KHDRBS2: variants seen among roughly 807,000 people sequenced by gnomAD.
KHDRBS2 encodes KH domain-containing, RNA-binding, signal transduction-associated protein 2.
Under a neutral mutation model 44.3 loss-of-function variants are expected in KHDRBS2, and 26 were observed. The observed-to-expected ratio is 0.59, with a 90% CI of 0.43 to 0.81. KHDRBS2 has a LOEUF of 0.81. Among genes scored for constraint, KHDRBS2 ranks in the 40% least tolerant of loss-of-function variants. The pLI is 0.00. For missense variants in KHDRBS2, 476 were observed against 433.1 expected, an observed-to-expected ratio of 1.10 and a Z score of -0.88; for synonymous variants, 194 against 151.1, an observed-to-expected ratio of 1.28 and a Z score of -2.08.
the KHDRBS2 span, among the ~76,000 whole-genome samples, chr6:61,568,892 T>C: frequency 6.6e-6 from 1 of 152,186 alleles, no homozygotes; most frequent in African/African-American, 2.4e-5. Context: ...GTAACAATTT[T>C]GACTGAGCAT....
intron 2 of KHDRBS2, among the ~76,000 whole-genome samples, chr6:62,111,136 G>T (rs1204544): frequency 0.17 from 26,390 of 152,002 alleles, 2,658 homozygotes; most frequent in African/African-American, 0.28. Flanking sequence ...TATATGCTTT[G>T]TAGATATTTT....
In KHDRBS2 at chr6:62,117,764, A is replaced by AT. The variant is rs551863148; in HGVS notation, c.219+59420dup. Among the ~76,000 whole-genome samples, 162 of 152,062 alleles carry AT rather than the reference A, an allele frequency of 1.1e-3. 1 individual carries two copies. The highest frequency in any genetic ancestry group is 3.7e-3 in the African/African-American group (152 of 41,448). On this transcript the variant is annotated intron_variant, in intron 2 of 8. Coordinates refer to ENST00000281156, the MANE Select transcript of KHDRBS2 (RefSeq NM_152688.4). ...GGTCTTAGATTTAAATATTTAAGCC[A>AT]TTTTGACTCAAATATTTTATTTTTT...
intron 2 of KHDRBS2, among the ~76,000 whole-genome samples, chr6:62,069,908 C>G (rs567911914): frequency 7.2e-5 from 11 of 151,824 alleles, no homozygotes; most frequent in Admixed American, 6.6e-4. Flanking sequence ...ATAAAGTACA[C>G]TAGTATCTAC....
chr6:61,554,894 G>A, the KHDRBS2 span, among the ~76,000 whole-genome samples: 1 of 152,088 alleles, frequency 6.6e-6, no homozygotes, highest in Non-Finnish European at 1.5e-5. Context: ...GCCTGATGGG[G>A]TTCCCTTTGT....
At chr6:62,124,035 G>A (rs1156245039) in intron 2 of KHDRBS2, among the ~76,000 whole-genome samples, 5 of 152,038 alleles carry the variant, frequency 3.3e-5, no homozygotes, top group Non-Finnish European at 7.4e-5. Flanking sequence ...AACTGCTTTG[G>A]CAAAGGTTAC....
At chr6:62,201,247 T>C (rs1826929201) in intron 1 of KHDRBS2, among the ~76,000 whole-genome samples, 1 of 151,742 alleles carries the variant, frequency 6.6e-6, no homozygotes, top group Non-Finnish European at 1.5e-5. Flanking sequence ...AAAAAAATTT[T>C]AGAGTAGGGA....
the KHDRBS2 span, among the ~76,000 whole-genome samples, chr6:61,605,584 C>T: frequency 3.3e-5 from 5 of 152,104 alleles, no homozygotes; most frequent in South Asian, 2.1e-4. Flanking sequence ...CAGGCCATCA[C>T]CAATAATTCT....
chr6:62,105,059 AAAAC>A (rs1802842413), intron 2 of KHDRBS2, among the ~76,000 whole-genome samples: 1 of 152,174 alleles, frequency 6.6e-6, no homozygotes, highest in South Asian at 2.1e-4. Flanking sequence ...AATTCATTGA[AAAAC>A]AAACAACCAT....
chr6:61,587,361 T>TAATC, the KHDRBS2 span, among the ~76,000 whole-genome samples: 4 of 96,118 alleles, frequency 4.2e-5, no homozygotes, highest in East Asian at 2.9e-4. Flanking sequence ...CAGCTTTTTT[T>TAATC]TATCTCTCTC....
At chr6:61,750,903 T>G (rs558123911) in intron 6 of KHDRBS2, among the ~76,000 whole-genome samples, 3 of 152,072 alleles carry the variant, frequency 2.0e-5, no homozygotes, top group Non-Finnish European at 4.4e-5. Flanking sequence ...TGTTAATATA[T>G]CTCTATTAAG....
the KHDRBS2 span, among the ~76,000 whole-genome samples, chr6:61,655,225 T>TACACACACACAC: frequency 9.6e-5 from 14 of 145,300 alleles, no homozygotes; most frequent in African/African-American, 3.3e-4. Flanking sequence ...CATACATACA[T>TACACACACACAC]ACACACACAC....
the KHDRBS2 span, among the ~76,000 whole-genome samples, chr6:61,545,288 T>TA: frequency 6.6e-6 from 1 of 151,796 alleles, no homozygotes; most frequent in Non-Finnish European, 1.5e-5. Flanking sequence ...TTTATAAAAA[T>TA]AAAAATACAA....
At chr6:62,026,626 A>T (rs1276635404) in intron 3 of KHDRBS2, among the ~76,000 whole-genome samples, 1 of 151,340 alleles carries the variant, frequency 6.6e-6, no homozygotes, top group Admixed American at 6.6e-5. Flanking sequence ...CTCAGATCTC[A>T]TTATGATTAT....
intron 6 of KHDRBS2, among the ~76,000 whole-genome samples, chr6:61,747,116 A>C (rs914243157): frequency 8.5e-5 from 13 of 152,236 alleles, no homozygotes; most frequent in Non-Finnish European, 1.5e-4. Flanking sequence ...TATGTGGCCA[A>C]CAAACATATG....
intron 2 of KHDRBS2, among the ~76,000 whole-genome samples, chr6:62,153,301 T>C (rs1018633566): frequency 2.6e-5 from 4 of 152,162 alleles, no homozygotes. Flanking sequence ...TGAAATTCCT[T>C]AATGTCTGTT....
At chr6:61,558,519 A>G in the KHDRBS2 span, among the ~76,000 whole-genome samples, 564 of 152,284 alleles carry the variant, frequency 3.7e-3, 4 homozygotes, top group Middle Eastern at 0.014. Context: ...CCACGATTAT[A>G]CCATTGCAGT....
intron 4 of KHDRBS2, among the ~76,000 whole-genome samples, chr6:61,935,591 C>T (rs967662079): frequency 2.0e-5 from 3 of 152,102 alleles, no homozygotes; most frequent in African/African-American, 7.2e-5. Context: ...AGAAATTATG[C>T]ACATTACTCT....
intron 6 of KHDRBS2, among the ~76,000 whole-genome samples, chr6:61,741,732 CAT>C (rs766561368): frequency 1.8e-4 from 28 of 151,878 alleles, no homozygotes; most frequent in Non-Finnish European, 3.8e-4. Flanking sequence ...GTGAAATTGA[CAT>C]GTTTTTGTCA....
intron 3 of KHDRBS2, among the ~76,000 whole-genome samples, chr6:61,981,216 A>G (rs1172556178): frequency 6.6e-6 from 1 of 152,228 alleles, no homozygotes; most frequent in African/African-American, 2.4e-5. Context: ...TCAAATGACA[A>G]AATGTATATC....
Sources: allele counts gnomAD v4.1 joint callset (sites outside exome capture counted in the v4.1 genomes callset), GRCh38; gene constraint gnomAD v4.1.1; transcripts MANE v1.5; gene names NCBI Gene and HGNC (gene_info 2026-07-23, HGNC 2026-07-21).